Variants in KIFC3 observed in about 807,000 individuals in gnomAD.
The protein encoded by KIFC3 is kinesin-like protein KIFC3.
KIFC3 carries 60 observed loss-of-function variants against 101.8 expected under a neutral mutation model. That is an observed-to-expected ratio of 0.59 (90% CI 0.48 to 0.73). The LOEUF (loss-of-function observed/expected upper bound fraction) is 0.73, where lower values mean the gene tolerates loss of function less well. KIFC3 is among the 30% of genes least tolerant of loss of function. The pLI is 0.00. For missense variants in KIFC3, 966 were observed against 1,137.1 expected (o/e 0.85, Z 2.16); for synonymous variants, 476 against 482.7 (o/e 0.99, Z 0.18).
intron 1 of KIFC3, among the ~76,000 whole-genome samples, chr16:57,828,049 G>A (rs2055494862): frequency 6.6e-6 from 1 of 152,172 alleles, no homozygotes; most frequent in Non-Finnish European, 1.5e-5. Context: ...CACCAGTAAG[G>A]AGCAGGCTGG....
At chr16:57,794,114 G>T (rs2054106173) in intron 3 of KIFC3, among the ~76,000 whole-genome samples, 1 of 152,116 alleles carries the variant, frequency 6.6e-6, no homozygotes, top group Admixed American at 6.5e-5. Context: ...ACTAACATGA[G>T]ATCTTTTAAT....
intron 7 of KIFC3, 124 bp downstream of exon 7, chr16:57,770,403 C>T: frequency 2.3e-6 from 2 of 875,288 alleles, no homozygotes; most frequent in Non-Finnish European, 3.2e-6. Flanking sequence ...GTCCCGTGGC[C>T]ATCGGGGAGA....
Position 57,772,848 on chromosome 16 carries a change from C to T in KIFC3, c.316-560G>A, listed in dbSNP as rs182292472. Among the ~76,000 whole-genome samples the T allele has an allele frequency of 2.0e-4, 30 of 152,284 alleles. No homozygotes were observed. In the East Asian group the frequency reaches 5.8e-3, roughly 29 times the overall value. ...TCAGAACCTGTGTCCACCCCTGCTCCCAATCTGCCTTGCAGGAAAGCTGTG... is the reference window on the plus strand; with the variant it reads ...TCAGAACCTGTGTCCACCCCTGCTCTCAATCTGCCTTGCAGGAAAGCTGTG... On this transcript the variant is annotated intron_variant, in intron 3 of 19. Coordinates refer to ENST00000445690, the MANE Select transcript of KIFC3 (RefSeq NM_001130100.2).
chr16:57,795,877 CTTTTTTGTTTTTTTTT>C (rs2054257584), intron 2 of KIFC3, among the ~76,000 whole-genome samples: 2 of 81,098 alleles, frequency 2.5e-5, no homozygotes, highest in Admixed American at 2.4e-4. Flanking sequence ...TTTTTTTGGG[CTTTTTTGTTTTTTTTT>C]TTTTTTTTTT....
intron 3 of KIFC3, chr16:57,776,100 A>G: frequency 1.0e-6 from 1 of 985,462 alleles, no homozygotes; most frequent in Non-Finnish European, 1.2e-6. Flanking sequence ...TTACCATCAC[A>G]GAAAGAAAAC....
rs1407557469 is a variant in KIFC3, at chr16:57,760,779, A to G, written c.2179T>C (p.Tyr727His). The change falls in exon 16 of 20, where the codon TAC becomes CAC. Residue 727 changes from tyrosine to histidine, a missense_variant. By Grantham distance (83) the Tyr-to-His change is moderately conservative. This residue lies in a region of KIFC3 where 689 missense variants were observed against 884.6 expected (regional missense o/e 0.78). Coordinates refer to ENST00000445690, the MANE Select transcript of KIFC3 (RefSeq NM_001130100.2). The stretch of plus-strand genomic sequence containing the variant: ...CCACTAAGCGAATCCTGCAGCAGGT[A>G]GGTGAGCTTGGAGTTGCGGAAGGGC... Reference protein sequence around the residue: ...HVPFRNSKLTYLLQDSLSGDS... With the variant: ...HVPFRNSKLTHLLQDSLSGDS... 6.2e-7 allele frequency: 1 copy of G among 1,613,770 alleles called. No individual in the cohort carries two copies. The highest frequency in any genetic ancestry group is 8.5e-7 in the Non-Finnish European group (1 of 1,180,012).
chr16:57,774,758 C>T (rs535812987), intron 3 of KIFC3: 6 of 679,166 alleles, frequency 8.8e-6, no homozygotes, highest in African/African-American at 3.7e-5. Context: ...AATTCCTGGC[C>T]TCAAGCAGTC....
At chr16:57,785,538 G>A (rs2053231875) in intron 3 of KIFC3, 1 of 1,289,284 alleles carries the variant, frequency 7.8e-7, no homozygotes, top group Non-Finnish European at 1.0e-6. Context: ...AGGACCACCA[G>A]CTCCTCCTGT....
chr16:57,775,041 T>C, intron 3 of KIFC3: 1 of 1,519,842 alleles, frequency 6.6e-7, no homozygotes, highest in Non-Finnish European at 8.8e-7. Flanking sequence ...GAGAGTGGGG[T>C]TTGCCAGTGT....
At chr16:57,762,314 A>C in intron 12 of KIFC3, 44 bp from the exon 13 acceptor site, 1 of 1,474,016 alleles carries the variant, frequency 6.8e-7, no homozygotes, top group Middle Eastern at 1.8e-4. Context: ...GCCTGTCCCC[A>C]AAGACGCTCG....
rs771408787 is a variant in KIFC3 at position 57,771,613 on chromosome 16, C to T, written c.455G>A (p.Arg152His). Residue 152 changes from arginine to histidine, a missense_variant, in exon 5 of 20, where the codon CGC becomes CAC. Arg to His is a conservative substitution (Grantham distance 29). Transcript: ENST00000445690. ...ENERLRQEMR[R>H]CEAELQELRT... ...CAGCTCTTGCAGCTCGGCCTCACAG[C>T]GCCGCATCTCCTGCCTCAGTCGCTC... The T allele has an allele frequency of 1.2e-5, 19 of 1,613,374 alleles. No individual in the cohort carries two copies. Among genetic ancestry groups the T allele is most frequent in the South Asian group, 2.2e-5 (2 of 91,084 alleles).
chr16:57,794,231 T>A (rs145386240), intron 3 of KIFC3, among the ~76,000 whole-genome samples: 33 of 149,886 alleles, frequency 2.2e-4, no homozygotes, highest in African/African-American at 7.9e-4. Context: ...TTATCTTTTT[T>A]CTTTTCTTTT....
intron 19 of KIFC3, 21 bp from the exon 20 acceptor site, chr16:57,758,930 C>A: frequency 6.4e-7 from 1 of 1,560,160 alleles, no homozygotes; most frequent in South Asian, 1.2e-5. Flanking sequence ...ATGAGATCAT[C>A]AGCCTCTTGT....
At chr16:57,852,406 C>G (rs1465583738) in intron 1 of KIFC3, among the ~76,000 whole-genome samples, 2 of 152,168 alleles carry the variant, frequency 1.3e-5, no homozygotes, top group African/African-American at 2.4e-5. Context: ...TGCCAATATT[C>G]TGAGACCTAA....
chr16:57,860,220 G>A (rs551532152), intron 1 of KIFC3, among the ~76,000 whole-genome samples: 14 of 152,154 alleles, frequency 9.2e-5, no homozygotes, highest in Admixed American at 2.0e-4. Context: ...TCGGGAGGCC[G>A]AAGCAGGTGG....
At chr16:57,761,336 A>C in intron 14 of KIFC3, 77 bp downstream of exon 14, 2 of 1,598,274 alleles carry the variant, frequency 1.3e-6, no homozygotes, top group Non-Finnish European at 1.7e-6. Context: ...TGCTTAGGAC[A>C]CAGCAGAGCC....
intron 6 of KIFC3, 114 bp from the exon 7 acceptor site, chr16:57,770,814 C>T: frequency 1.0e-6 from 1 of 984,162 alleles, no homozygotes; most frequent in Non-Finnish European, 1.4e-6. Flanking sequence ...CACTCAGAAA[C>T]CAGAAAAAAA....
chr16:57,811,200 G>A (rs554540546), intron 1 of KIFC3, among the ~76,000 whole-genome samples: 1 of 152,304 alleles, frequency 6.6e-6, no homozygotes, highest in Admixed American at 6.5e-5. Context: ...TGGTTGCCAG[G>A]GCCTGGGAGG....
At chr16:57,806,268 T>G (rs967688738), upstream of KIFC3, among the ~76,000 whole-genome samples, 5 of 152,238 alleles carry the variant, frequency 3.3e-5, no homozygotes, top group African/African-American at 7.2e-5. Flanking sequence ...TCCGAGCCTT[T>G]GCAAATGTTG....
Sources: allele counts gnomAD v4.1 joint callset (sites outside exome capture counted in the v4.1 genomes callset), GRCh38; gene constraint gnomAD v4.1.1; regional missense constraint gnomAD v4.1.1; transcripts MANE v1.5; gene names NCBI Gene and HGNC (gene_info 2026-07-23, HGNC 2026-07-21).